Variants in IL1RL2 observed in about 807,000 individuals in gnomAD.
IL1RL2 encodes interleukin-1 receptor-like 2.
IL1RL2 carries 68 observed loss-of-function variants against 66.8 expected under a neutral mutation model. That is an observed-to-expected ratio of 1.02 (90% CI 0.84 to 1.25). The LOEUF is 1.25. IL1RL2 is among the 50% of genes most tolerant of loss of function. IL1RL2 has a pLI of 0.00. For synonymous variants in IL1RL2, 305 were observed against 264.6 expected, an observed-to-expected ratio of 1.15 and a Z score of -1.48; for missense variants, 729 against 709.3, an observed-to-expected ratio of 1.03 and a Z score of -0.32.
chr2:102,193,535 T>C (rs1424638929), intron 4 of IL1RL2, among the ~76,000 whole-genome samples: 1 of 152,176 alleles, frequency 6.6e-6, no homozygotes, highest in Non-Finnish European at 1.5e-5. Context: ...AAATTTTTTG[T>C]GTGACAGAAT....
In IL1RL2 at chr2:102,212,255, G is replaced by A. The variant is rs1025637487; in HGVS notation, c.724+81G>A. 5 of 1,040,756 alleles carry A rather than the reference G, an allele frequency of 4.8e-6. No individual in the cohort carries two copies. In the African/African-American group the frequency reaches 7.9e-5, roughly 16 times the overall value. 64.5% of individuals were successfully genotyped at this position (1,040,756 alleles called of 1,614,324 possible). ...GCATATTCTGGTGAATATTTTGAAT[G>A]TTAAGGATGAAGATAAATCCTATAC... is the stretch of plus-strand genomic sequence containing the variant. On this transcript the variant is annotated intron_variant, in intron 6 of 11. Transcript: ENST00000264257.
Position 102,224,087 on chromosome 2 carries a change from C to T in IL1RL2, c.992-1811C>T, listed in dbSNP as rs1213108921. On this transcript the variant is annotated intron_variant, in intron 8 of 11. Transcript: ENST00000264257. ...CTTGGGCCTCAAGATGTTTACAACA[C>T]GGCGTGGCCTAGGGCAGGTGGCAAT... Among the ~76,000 whole-genome samples, 14 of 152,172 alleles carry T rather than the reference C, an allele frequency of 9.2e-5. 1 individual carries two copies. Among genetic ancestry groups the T allele is most frequent in the East Asian group, 3.9e-4 (2 of 5,194 alleles).
chr2:102,237,810 G>A (rs1034813602), intron 11 of IL1RL2, among the ~76,000 whole-genome samples: 1 of 152,152 alleles, frequency 6.6e-6, no homozygotes, highest in African/African-American at 2.4e-5. Context: ...GTATAAGAAA[G>A]GAGGTTTAAG....
intron 3 of IL1RL2, among the ~76,000 whole-genome samples, chr2:102,190,241 C>A (rs182117159): frequency 1.6e-4 from 25 of 152,308 alleles, no homozygotes; most frequent in African/African-American, 5.5e-4. Context: ...TTTGTGTGTG[C>A]AACTTTTTAT....
At chr2:102,229,375 G>A (rs1320027301) in intron 9 of IL1RL2, among the ~76,000 whole-genome samples, 2 of 152,220 alleles carry the variant, frequency 1.3e-5, no homozygotes, top group African/African-American at 4.8e-5. Context: ...TCAGGGATTA[G>A]TTTTGTGAAA....
At chr2:102,241,551 A>G (rs1182314977), downstream of IL1RL2, among the ~76,000 whole-genome samples, 1 of 152,256 alleles carries the variant, frequency 6.6e-6, no homozygotes, top group Non-Finnish European at 1.5e-5. Flanking sequence ...GTAAGGATTA[A>G]TTCGTACAAA....
intron 5 of IL1RL2, among the ~76,000 whole-genome samples, chr2:102,206,159 G>C (rs1922298): frequency 0.28 from 42,610 of 151,810 alleles, 6,602 homozygotes; most frequent in East Asian, 0.39. Flanking sequence ...ATGTTATCTT[G>C]AATTTCTTTG....
At chr2:102,196,257 G>A (rs1419082020) in intron 4 of IL1RL2, among the ~76,000 whole-genome samples, 3 of 152,052 alleles carry the variant, frequency 2.0e-5, no homozygotes, top group East Asian at 3.9e-4. Flanking sequence ...CATGGGTGGC[G>A]CTTAGATGCC....
chr2:102,235,259 C>T lies in IL1RL2; in HGVS notation c.1660C>T (p.Pro554Ser), dbSNP rs372271124. Residue 554 changes from proline to serine, a missense_variant, in exon 11 of 12, where the codon CCT becomes TCT. Coordinates refer to ENST00000264257, the MANE Select transcript of IL1RL2 (RefSeq NM_003854.4). ...FPPVQLLQHTPCYRTAGPELG... is the reference protein window; with the variant it reads ...FPPVQLLQHTSCYRTAGPELG... ...TCCGGTCCAGCTGCTGCAGCACACA[C>T]CTTGCTACCGCACCGCAGGTGAGCG... is the stretch of plus-strand genomic sequence containing the variant. 1.9e-6 allele frequency: 3 copies of T among 1,613,500 alleles called. No homozygotes were observed. The highest frequency in any genetic ancestry group is 2.7e-5 in the African/African-American group (2 of 75,058).
At chr2:102,200,956 T>C (rs920608047) in intron 4 of IL1RL2, among the ~76,000 whole-genome samples, 1 of 152,168 alleles carries the variant, frequency 6.6e-6, no homozygotes, top group Non-Finnish European at 1.5e-5. Flanking sequence ...AAATTGGATG[T>C]TGGTGAAGAA....
At chr2:102,204,360 A>G (rs568782084) in intron 5 of IL1RL2, among the ~76,000 whole-genome samples, 1 of 152,122 alleles carries the variant, frequency 6.6e-6, no homozygotes, top group Non-Finnish European at 1.5e-5. Flanking sequence ...TTCTACAGCC[A>G]TTGGATGAAA....
At chr2:102,192,354 G>T (rs1318633159) in intron 4 of IL1RL2, among the ~76,000 whole-genome samples, 1 of 152,092 alleles carries the variant, frequency 6.6e-6, no homozygotes, top group Non-Finnish European at 1.5e-5. Context: ...CCTTCCTCCA[G>T]TTATTCTTAT....
intron 8 of IL1RL2, 42 bp downstream of exon 8, chr2:102,220,059 A>G: frequency 6.6e-7 from 1 of 1,524,596 alleles, no homozygotes; most frequent in South Asian, 1.3e-5. Context: ...AGTGTTCAAA[A>G]CGATGGCCAG....
rs1400056594 is a variant in IL1RL2 at position 102,225,978 on chromosome 2, A to G, written c.1072A>G (p.Ile358Val). Residue 358 changes from isoleucine to valine, a missense_variant, in exon 9 of 12, where the codon ATT (isoleucine) becomes GTT (valine). Coordinates refer to ENST00000264257, the MANE Select transcript of IL1RL2 (RefSeq NM_003854.4). Reference sequence around the variant, plus strand: ...TGTGTCTGTTGTGTACATATACAACATTTTTAAGATCGACATTGTTCTTTG... The same window carrying G: ...TGTGTCTGTTGTGTACATATACAACGTTTTTAAGATCGACATTGTTCTTTG... Reference protein sequence around the residue: ...VAVSVVYIYNIFKIDIVLWYR... With the variant: ...VAVSVVYIYNVFKIDIVLWYR... 4 of 1,609,324 alleles carry G rather than the reference A, an allele frequency of 2.5e-6. No individual in the cohort carries two copies. The East Asian group carries it at 9.0e-5, about 36-fold the overall frequency.
At chr2:102,230,406 G>A (rs1208718568) in intron 9 of IL1RL2, among the ~76,000 whole-genome samples, 2 of 152,128 alleles carry the variant, frequency 1.3e-5, no homozygotes, top group Non-Finnish European at 2.9e-5. Flanking sequence ...GCTATGTTGG[G>A]TTTTTGCCAA....
At chr2:102,188,405 A>C (rs921958667) in intron 2 of IL1RL2, among the ~76,000 whole-genome samples, 49 of 152,120 alleles carry the variant, frequency 3.2e-4, no homozygotes, top group African/African-American at 1.1e-3. Context: ...TAACACGGTG[A>C]AACCCCGTCT....
At chr2:102,193,017 T>C (rs1687366268) in intron 4 of IL1RL2, among the ~76,000 whole-genome samples, 1 of 152,152 alleles carries the variant, frequency 6.6e-6, no homozygotes, top group South Asian at 2.1e-4. Flanking sequence ...AAAGTAAGGT[T>C]CACCTTCAGT....
At chr2:102,239,157 C>G in intron 11 of IL1RL2, 35 bp from the exon 12 acceptor site, 1 of 1,607,032 alleles carries the variant, frequency 6.2e-7, no homozygotes. Flanking sequence ...CCCACCACAT[C>G]AGAAAAGGAG....
chr2:102,188,133 G>A (rs903974222), intron 2 of IL1RL2, among the ~76,000 whole-genome samples: 5 of 152,210 alleles, frequency 3.3e-5, no homozygotes, highest in African/African-American at 4.8e-5. Context: ...GAGCTTGGAG[G>A]TGACTTCGGG....
Sources: gnomAD v4.1 joint callset for allele counts (sites outside exome capture counted in the v4.1 genomes callset) on GRCh38, gnomAD v4.1.1 for gene constraint, MANE v1.5 for transcripts, NCBI Gene and HGNC (gene_info 2026-07-23, HGNC 2026-07-21) for gene names.